The following RASEF variants were observed in gnomAD, a reference collection of about 807,000 sequenced individuals.
The protein encoded by RASEF is ras and EF-hand domain-containing protein.
In RASEF, 68 loss-of-function variants were observed where a neutral mutation model predicts 90.1. That is an observed-to-expected ratio of 0.75 (90% CI 0.62 to 0.92). The LOEUF is 0.92. RASEF is among the 40% of genes least tolerant of loss of function. The pLI, the probability that RASEF is intolerant of heterozygous loss-of-function variation, is 0.00. For missense variants in RASEF, 949 were observed against 937.2 expected, an observed-to-expected ratio of 1.01 and a Z score of -0.16; for synonymous variants, 331 against 345.2, an observed-to-expected ratio of 0.96 and a Z score of 0.46.
At chr9:83,134,410 GCACACACACACA>G in the RASEF span, among the ~76,000 whole-genome samples, 7 of 139,046 alleles carry the variant, frequency 5.0e-5, no homozygotes, top group East Asian at 2.0e-4. Flanking sequence ...TCACAATAGC[GCACACACACACA>G]CACACACACA....
At chr9:83,148,657 C>T in the RASEF span, among the ~76,000 whole-genome samples, 1 of 152,192 alleles carries the variant, frequency 6.6e-6, no homozygotes, top group African/African-American at 2.4e-5. Flanking sequence ...GTCTTTGTTA[C>T]AACAGCCCTT....
At chr9:83,003,674 C>T (rs1437049636) in intron 9 of RASEF, among the ~76,000 whole-genome samples, 3 of 152,156 alleles carry the variant, frequency 2.0e-5, no homozygotes, top group Admixed American at 2.0e-4. Context: ...GCCTTCGTAA[C>T]AGGTCTTCCT....
At position 83,025,775 on chromosome 9, in the gene RASEF, C is replaced by T; in HGVS notation, c.578G>A (p.Arg193Lys). Reference sequence around the variant, plus strand: ...ACTTATAAAGGAAGGACTTCAATACCTCTTCACCGCAATGGCCAAATTTTC... The same window carrying T: ...ACTTATAAAGGAAGGACTTCAATACTTCTTCACCGCAATGGCCAAATTTTC... Reference protein sequence around the residue: ...EMENLAIAVKRAQDKAAMQLS... With the variant: ...EMENLAIAVKKAQDKAAMQLS... Residue 193 changes from arginine (R) to lysine (K), a missense_variant and splice_region_variant, in exon 2 of 17, where the codon AGA becomes AAA. Physicochemically the swap from Arg to Lys is conservative, Grantham distance 26. This residue lies in a region of RASEF where 656 missense variants were observed against 592.2 expected (regional missense o/e 1.11). Transcript: ENST00000376447. 6.2e-7 allele frequency: 1 copy of T among 1,613,190 alleles called. No homozygotes were observed. Among genetic ancestry groups the T allele is most frequent in the Non-Finnish European group, 8.5e-7 (1 of 1,179,728 alleles).
At chr9:83,040,065 C>T (rs114908529) in intron 1 of RASEF, among the ~76,000 whole-genome samples, 2,129 of 152,206 alleles carry the variant, frequency 0.014, 40 homozygotes, top group African/African-American at 0.049. Flanking sequence ...AGGGCCGTTC[C>T]CCTACACACA....
rs1829112048 is a variant in RASEF at position 83,005,456 on chromosome 9, C to G, written c.1073G>C (p.Ser358Thr). ...CTTGCTATAACTGTTTTCAAGGGCA[C>G]TTCTAAGGCCATCATTACTGTCATG... ...KLHDSNDGLR[S>T]ALENSYSKFN... Residue 358 changes from serine to threonine, a missense_variant, in exon 8 of 17, where the codon AGT becomes ACT. Ser to Thr is a moderately conservative substitution (Grantham distance 58, BLOSUM62 1). Around this residue, in one of 3 missense-constraint regions of RASEF, gnomAD observed 656 missense variants for 592.2 expected, o/e 1.11. Coordinates refer to ENST00000376447, the MANE Select transcript of RASEF (RefSeq NM_152573.4). 1 of 1,613,974 alleles carries G rather than the reference C, an allele frequency of 6.2e-7. No homozygotes were observed. The highest frequency in any genetic ancestry group is 8.5e-7 in the Non-Finnish European group (1 of 1,179,946).
chr9:83,167,165 C>A, the RASEF span, among the ~76,000 whole-genome samples: 7 of 151,660 alleles, frequency 4.6e-5, no homozygotes, highest in Non-Finnish European at 1.0e-4. Context: ...CAGTGCCTGA[C>A]ACAAAATCAG....
At chr9:83,009,309 T>C (rs1829196569) in intron 6 of RASEF, among the ~76,000 whole-genome samples, 1 of 152,128 alleles carries the variant, frequency 6.6e-6, no homozygotes, top group Non-Finnish European at 1.5e-5. Context: ...ACTTTTCCCT[T>C]TCTTATGTTT....
At chr9:83,057,087 A>T (rs1198652264) in intron 1 of RASEF, among the ~76,000 whole-genome samples, 1 of 152,234 alleles carries the variant, frequency 6.6e-6, no homozygotes, top group Non-Finnish European at 1.5e-5. Flanking sequence ...CAAAAGGCCC[A>T]GGAGGAAGGA....
At chr9:82,999,079 A>C (rs1264137726) in intron 12 of RASEF, among the ~76,000 whole-genome samples, 2 of 114,258 alleles carry the variant, frequency 1.8e-5, no homozygotes, top group Admixed American at 8.3e-5. Context: ...GAGAACCATA[A>C]ATTTACAAAG....
chr9:83,036,880 G>A (rs1040584874), intron 1 of RASEF, among the ~76,000 whole-genome samples: 4 of 151,662 alleles, frequency 2.6e-5, no homozygotes, highest in East Asian at 1.9e-4. Context: ...TACCATCTTC[G>A]TTTTTTTGTT....
chr9:83,143,590 T>C, the RASEF span, among the ~76,000 whole-genome samples: 1 of 152,254 alleles, frequency 6.6e-6, no homozygotes, highest in East Asian at 1.9e-4. Flanking sequence ...TGTTTAACAA[T>C]AGCCATTTTG....
intron 1 of RASEF, among the ~76,000 whole-genome samples, chr9:83,034,224 A>C (rs894589875): frequency 6.6e-6 from 1 of 152,202 alleles, no homozygotes; most frequent in Non-Finnish European, 1.5e-5. Flanking sequence ...CCAGCTCTCC[A>C]ATCTAGAGAA....
the RASEF span, among the ~76,000 whole-genome samples, chr9:83,190,615 C>T: frequency 6.6e-5 from 10 of 152,172 alleles, no homozygotes; most frequent in African/African-American, 2.4e-4. Flanking sequence ...GCCAACATTG[C>T]ATATTAGAAT....
chr9:83,036,999 A>G (rs1829753555), intron 1 of RASEF, among the ~76,000 whole-genome samples: 2 of 152,148 alleles, frequency 1.3e-5, no homozygotes, highest in East Asian at 3.9e-4. Flanking sequence ...CATTAGCCAC[A>G]TGAAAACCAG....
Position 83,000,015 on chromosome 9 carries a change from AC to A in RASEF, c.1723+153del, listed in dbSNP as rs1381359453. On this transcript the variant is annotated intron_variant, in intron 12 of 16. Coordinates refer to ENST00000376447, the MANE Select transcript of RASEF (RefSeq NM_152573.4). ...CACACACACACACACACACACACAC[AC>A]ACACACACACACACACACACATTTA... is the stretch of plus-strand genomic sequence containing the variant. 2.9e-3 allele frequency among the ~76,000 whole-genome samples: 446 copies of A among 151,658 alleles called. 6 individuals carry two copies. The highest frequency in any genetic ancestry group is 0.01 in the African/African-American group (430 of 41,336).
the RASEF span, among the ~76,000 whole-genome samples, chr9:83,156,575 T>C: frequency 6.6e-6 from 1 of 152,180 alleles, no homozygotes; most frequent in African/African-American, 2.4e-5. Context: ...CCAAAATTTG[T>C]AGATCTGGAA....
chr9:83,208,231 C>G, the RASEF span, among the ~76,000 whole-genome samples: 1 of 152,146 alleles, frequency 6.6e-6, no homozygotes, highest in Non-Finnish European at 1.5e-5. Flanking sequence ...GCCCTGACAT[C>G]CTCTCCCAGG....
chr9:83,015,877 G>A lies in RASEF; in HGVS notation c.693C>T (p.Ala231=). Residue 231 remains alanine, a synonymous_variant, in exon 4 of 17, where the codon GCC becomes GCT. Transcript: ENST00000376447. ...RKDEKRKAEE[A]LSDLRRQYET... The stretch of plus-strand genomic sequence containing the variant: ...CATACTGACGTCTGAGGTCACTGAG[G>A]GCTTCCTCAGCTTTGCGTTTTTCCT... The A allele has an allele frequency of 6.2e-7, 1 of 1,613,494 alleles. No individual in the cohort carries two copies.
the RASEF span, among the ~76,000 whole-genome samples, chr9:83,193,963 T>C: frequency 6.6e-6 from 1 of 152,196 alleles, no homozygotes; most frequent in African/African-American, 2.4e-5. Flanking sequence ...AGCTTACTAA[T>C]TCTTCTCTTT....
Sources: gnomAD v4.1 joint callset for allele counts (sites outside exome capture counted in the v4.1 genomes callset) on GRCh38, gnomAD v4.1.1 for gene constraint, gnomAD v4.1.1 regional missense constraint, MANE v1.5 for transcripts, NCBI Gene and HGNC (gene_info 2026-07-23, HGNC 2026-07-21) for gene names.